The following CSMD1 variants were observed in gnomAD, a reference collection of about 807,000 sequenced individuals.
The protein encoded by CSMD1 is CUB and Sushi multiple domains 1.
CSMD1 carries 213 observed loss-of-function variants against 417.5 expected under a neutral mutation model. The ratio of observed to expected loss-of-function variants is 0.51; its 90% CI spans 0.46 to 0.57. The LOEUF (loss-of-function observed/expected upper bound fraction) is 0.57. Ranked by LOEUF, CSMD1 falls within the 20% of genes least tolerant of loss-of-function variation. The probability of loss-of-function intolerance (pLI) is 0.00; values close to 1 mark genes in which losing one functional copy is unlikely to be tolerated. For synonymous variants in CSMD1, 2,862 were observed against 1,736.8 expected (o/e 1.65, Z -16.11); for missense variants, 6,923 against 4,529.7 (o/e 1.53, Z -15.17).
At chr8:3,438,930 A>G (rs1183991105) in intron 12 of CSMD1, among the ~76,000 whole-genome samples, 13 of 151,464 alleles carry the variant, frequency 8.6e-5, no homozygotes, top group Non-Finnish European at 1.9e-4. Flanking sequence ...AGTCTGGCCA[A>G]CCTGGTGAAA....
At chr8:3,472,014 C>A (rs1336817815) in intron 11 of CSMD1, among the ~76,000 whole-genome samples, 2 of 152,022 alleles carry the variant, frequency 1.3e-5, no homozygotes, top group Admixed American at 6.6e-5. Context: ...ACTTTACACC[C>A]CTTTCACTTT....
At chr8:4,573,780 G>A (rs149155343) in intron 2 of CSMD1, among the ~76,000 whole-genome samples, 274 of 152,272 alleles carry the variant, frequency 1.8e-3, no homozygotes, top group East Asian at 8.9e-3. Flanking sequence ...TCTATGAGCC[G>A]CTGACTGGGG....
chr8:3,132,506 T>G (rs570308341), intron 41 of CSMD1, among the ~76,000 whole-genome samples: 1 of 152,308 alleles, frequency 6.6e-6, no homozygotes, highest in Non-Finnish European at 1.5e-5. Context: ...AAGTGTCACT[T>G]TGATGAGTTC....
intron 5 of CSMD1, among the ~76,000 whole-genome samples, chr8:3,807,391 T>C (rs556124343): frequency 1.3e-5 from 2 of 151,984 alleles, no homozygotes; most frequent in South Asian, 4.2e-4. Flanking sequence ...TTTATAGAAA[T>C]TCAATACTGT....
intron 1 of CSMD1, among the ~76,000 whole-genome samples, chr8:4,847,902 T>G (rs770027897): frequency 1.3e-5 from 2 of 152,010 alleles, no homozygotes; most frequent in Non-Finnish European, 2.9e-5. Flanking sequence ...CAATTTTAAA[T>G]ATTTTCATCA....
At position 3,387,575 on chromosome 8, in the gene CSMD1, G is replaced by T; in HGVS notation, c.2701C>A (p.Pro901Thr). ...TCGTCGTCACTTAGTGTGTACCCCG[G>T]GTCACAGCTGAAAGTCACTGTGGAC... ...IRSTVTFSCD[P>T]GYTLSDDEPL... Residue 901 changes from proline to threonine, a missense_variant, in exon 18 of 70, where the codon CCG becomes ACG. Physicochemically the swap from Pro to Thr is conservative, Grantham distance 38 (BLOSUM62 -1). Transcript: ENST00000635120. 1 of 1,600,954 alleles carries T rather than the reference G, an allele frequency of 6.2e-7. No homozygotes were observed. Among genetic ancestry groups the T allele is most frequent in the Non-Finnish European group, 8.5e-7 (1 of 1,173,790 alleles).
chr8:4,588,479 G>A (rs902046790), intron 2 of CSMD1, among the ~76,000 whole-genome samples: 2 of 151,718 alleles, frequency 1.3e-5, no homozygotes, highest in Non-Finnish European at 2.9e-5. Context: ...ACAGTGGTCT[G>A]ATGTTTTCTT....
intron 6 of CSMD1, among the ~76,000 whole-genome samples, chr8:3,752,672 C>A (rs1797407403): frequency 1.3e-5 from 1 of 77,864 alleles, no homozygotes. Context: ...CACTCCCCGC[C>A]TGGCAAAAAA....
intron 3 of CSMD1, among the ~76,000 whole-genome samples, chr8:4,054,251 T>A (rs1798578784): frequency 6.6e-6 from 1 of 150,514 alleles, no homozygotes; most frequent in African/African-American, 2.4e-5. Flanking sequence ...AAATGACGAC[T>A]TTGAGAGTTA....
intron 1 of CSMD1, among the ~76,000 whole-genome samples, chr8:4,914,720 G>C (rs929604453): frequency 5.3e-5 from 8 of 152,124 alleles, no homozygotes; most frequent in African/African-American, 1.2e-4. Flanking sequence ...ATAAACATGA[G>C]ACGTTTTCAC....
intron 5 of CSMD1, among the ~76,000 whole-genome samples, chr8:3,853,094 C>G (rs1403052990): frequency 6.6e-6 from 1 of 152,174 alleles, no homozygotes; most frequent in South Asian, 2.1e-4. Flanking sequence ...CCACCCTGAC[C>G]TCATCATTCT....
chr8:4,198,782 C>G (rs1197875169), intron 3 of CSMD1, among the ~76,000 whole-genome samples: 2 of 152,054 alleles, frequency 1.3e-5, no homozygotes, highest in African/African-American at 4.8e-5. Flanking sequence ...TCTAAGAGTT[C>G]ATCGACTTTA....
At chr8:4,972,915 C>T (rs991806152) in intron 1 of CSMD1, among the ~76,000 whole-genome samples, 1 of 152,036 alleles carries the variant, frequency 6.6e-6, no homozygotes, top group Admixed American at 6.6e-5. Flanking sequence ...GTGGAGAGTA[C>T]TCTTGAAAAT....
In CSMD1 at chr8:3,655,740, G is replaced by T. The variant is rs140027140; in HGVS notation, c.1010-38943C>A. On this transcript the variant is annotated intron_variant, in intron 7 of 69. Coordinates refer to ENST00000635120, the MANE Select transcript of CSMD1 (RefSeq NM_033225.6). ...ATGATTTATAATTCAGCACAAACAT[G>T]CTCATTGGGAAATTAGCTACGGCTG... Among the ~76,000 whole-genome samples the T allele has an allele frequency of 3.3e-4, 50 of 150,184 alleles. No individual in the cohort carries two copies. The East Asian group carries it at 7.3e-3, about 22-fold the overall frequency.
At chr8:3,708,329 G>T in intron 7 of CSMD1, 85 bp downstream of exon 7, 4 of 1,055,640 alleles carry the variant, frequency 3.8e-6, no homozygotes, top group Non-Finnish European at 5.9e-6. Flanking sequence ...GGAAGGTGGT[G>T]GGTGGGATCG....
chr8:3,601,675 A>T (rs1295627567), intron 8 of CSMD1, among the ~76,000 whole-genome samples: 1 of 152,234 alleles, frequency 6.6e-6, no homozygotes, highest in Non-Finnish European at 1.5e-5. Flanking sequence ...CTGTGAAATC[A>T]TTGGTAATAT....
intron 49 of CSMD1, among the ~76,000 whole-genome samples, chr8:3,067,534 C>T (rs1009306035): frequency 6.6e-6 from 1 of 151,790 alleles, no homozygotes; most frequent in South Asian, 2.1e-4. Flanking sequence ...ATTTAAACCC[C>T]AGTACTCCTG....
intron 3 of CSMD1, among the ~76,000 whole-genome samples, chr8:4,373,611 A>C (rs1168872965): frequency 6.6e-6 from 1 of 152,226 alleles, no homozygotes; most frequent in Non-Finnish European, 1.5e-5. Context: ...ATGGTGATTC[A>C]TGAACATAAC....
chr8:4,633,426 T>G (rs943018820), intron 2 of CSMD1, among the ~76,000 whole-genome samples: 2 of 151,868 alleles, frequency 1.3e-5, no homozygotes, highest in African/African-American at 4.8e-5. Flanking sequence ...TTTTTTTGTA[T>G]TTTTAGTAGA....
Sources: allele counts gnomAD v4.1 joint callset (sites outside exome capture counted in the v4.1 genomes callset), GRCh38; gene constraint gnomAD v4.1.1; transcripts MANE v1.5; gene names NCBI Gene and HGNC (gene_info 2026-07-23, HGNC 2026-07-21).